The following RALGDS variants were observed in gnomAD, a reference collection of about 807,000 sequenced individuals.
RALGDS encodes the protein ral guanine nucleotide exchange factor.
RALGDS carries 44 observed loss-of-function variants against 99.8 expected under a neutral mutation model. That is an observed-to-expected ratio of 0.44 (90% CI 0.35 to 0.57). RALGDS has a LOEUF of 0.57. RALGDS is among the 20% of genes least tolerant of loss of function. The pLI, the probability that RALGDS is intolerant of heterozygous loss-of-function variation, is 0.01. For missense variants in RALGDS, 1,022 were observed against 1,203.1 expected, an observed-to-expected ratio of 0.85 and a Z score of 2.23; for synonymous variants, 529 against 505.0, an observed-to-expected ratio of 1.05 and a Z score of -0.64.
upstream of RALGDS, among the ~76,000 whole-genome samples, chr9:133,121,905 T>C (rs1831962824): frequency 6.7e-6 from 1 of 150,170 alleles, no homozygotes; most frequent in Non-Finnish European, 1.5e-5. Context: ...GTGTGTGCAG[T>C]GGGGGAAAGG....
chr9:133,112,798 C>T (rs780407393), intron 1 of RALGDS, among the ~76,000 whole-genome samples: 42 of 152,356 alleles, frequency 2.8e-4, no homozygotes, highest in Non-Finnish European at 5.1e-4. Flanking sequence ...ATCCCAGCCA[C>T]TTCCTTCCCC....
chr9:133,134,749 C>A (rs576997710), upstream of RALGDS, among the ~76,000 whole-genome samples: 4 of 152,302 alleles, frequency 2.6e-5, no homozygotes, highest in African/African-American at 7.2e-5. Context: ...TCCAACCTGG[C>A]GCCTAAACCA....
At chr9:133,123,619 C>T (rs1242591991), upstream of RALGDS, among the ~76,000 whole-genome samples, 7 of 152,244 alleles carry the variant, frequency 4.6e-5, no homozygotes, top group South Asian at 1.4e-3. Context: ...GTTCCCCTAC[C>T]TTTGGGACTC....
chr9:133,106,950 A>G (rs1380054224), intron 7 of RALGDS, 135 bp downstream of exon 7: 2 of 1,027,852 alleles, frequency 1.9e-6, no homozygotes, highest in African/African-American at 1.6e-5. Context: ...GCATCCAGGC[A>G]GTGGGCTGGG....
In RALGDS at chr9:133,110,505, G is replaced by T; in HGVS notation, c.295-16C>A. The T allele has an allele frequency of 6.3e-7, 1 of 1,598,790 alleles. No individual in the cohort carries two copies. ...CATTCTCATACTGGGGTGGGACAGA[G>T]GAGGGACAGACAGTCAGTGGCAGCA... On this transcript the variant is annotated splice_polypyrimidine_tract_variant and intron_variant, in intron 2 of 17. Transcript: ENST00000372050.
chr9:133,125,471 C>T (rs1399009365), upstream of RALGDS, among the ~76,000 whole-genome samples: 3 of 152,192 alleles, frequency 2.0e-5, no homozygotes, highest in East Asian at 1.9e-4. Flanking sequence ...CAGTGGCTCA[C>T]GCCTGTAATT....
Position 133,112,144 on chromosome 9 carries a change from C to A in RALGDS, c.192G>T (p.Thr64=). 6.4e-7 allele frequency: 1 copy of A among 1,562,052 alleles called. No homozygotes were observed. The highest frequency in any genetic ancestry group is 8.7e-7 in the Non-Finnish European group (1 of 1,152,396). ...DPDLPRPESS[T]QEIGEELING... ...TGATCAGCTCCTCACCGATCTCCTG[C>A]GTGGAGCTCTGTGAAGACAACGCCC... The change falls in exon 2 of 18, where the codon ACG becomes ACT. Residue 64 remains threonine, a synonymous_variant. Transcript: ENST00000372050.
chr9:133,142,233 G>A (rs1832536754), intron 1 of RALGDS, among the ~76,000 whole-genome samples: 1 of 152,134 alleles, frequency 6.6e-6, no homozygotes, highest in Non-Finnish European at 1.5e-5. Context: ...AGGGTGGAGG[G>A]CCATGAGAAG....
intron 8 of RALGDS, among the ~76,000 whole-genome samples, chr9:133,106,371 G>T (rs374852096): frequency 6.6e-6 from 1 of 152,226 alleles, no homozygotes; most frequent in Admixed American, 6.5e-5. Context: ...TGGGATTACA[G>T]GCGTTAGCCA....
At chr9:133,103,153 G>A (rs1830842473) in intron 12 of RALGDS, 77 bp downstream of exon 12, 4 of 1,559,054 alleles carry the variant, frequency 2.6e-6, no homozygotes, top group Middle Eastern at 1.7e-4. Context: ...TAAGGAGAGG[G>A]TAGGAGTTGA....
At chr9:133,128,821 G>A (rs947542310) in intron 1 of RALGDS, among the ~76,000 whole-genome samples, 5 of 152,194 alleles carry the variant, frequency 3.3e-5, no homozygotes, top group African/African-American at 1.2e-4. Context: ...GTGCACAGAA[G>A]TCCTTGGTAA....
At chr9:133,127,358 G>A (rs1390012936) in intron 1 of RALGDS, among the ~76,000 whole-genome samples, 1 of 152,268 alleles carries the variant, frequency 6.6e-6, no homozygotes, top group Non-Finnish European at 1.5e-5. Context: ...GCCAAGGCCG[G>A]GAGGAATGGC....
At chr9:133,112,922 G>A (rs547919883) in intron 1 of RALGDS, among the ~76,000 whole-genome samples, 57 of 152,350 alleles carry the variant, frequency 3.7e-4, no homozygotes, top group African/African-American at 1.1e-3. Context: ...CCAGGCAGAT[G>A]CTGGGGTTCC....
At position 133,102,067 on chromosome 9, in the gene RALGDS, A is replaced by G. The variant is rs1458592814; in HGVS notation, c.2082T>C (p.Cys694=). The change falls in exon 15 of 18, where the codon TGT becomes TGC. Residue 694 remains cysteine, a synonymous_variant. Coordinates refer to ENST00000372050, the MANE Select transcript of RALGDS (RefSeq NM_006266.4). ...SHSKSCDQLR[C]GPYLSSGDIA... ...TGTCCCCGCTGCTGAGGTAGGGGCC[A>G]CACCTGAGCTGGTCACAGGACTTGG... 1 of 1,568,544 alleles carries G rather than the reference A, an allele frequency of 6.4e-7. No homozygotes were observed. The highest frequency in any genetic ancestry group is 8.6e-7 in the Non-Finnish European group (1 of 1,156,290).
intron 1 of RALGDS, among the ~76,000 whole-genome samples, chr9:133,130,647 C>T (rs1311096254): frequency 6.6e-6 from 1 of 152,158 alleles, no homozygotes; most frequent in Non-Finnish European, 1.5e-5. Context: ...ACAACCACCA[C>T]CACCACCACA....
upstream of RALGDS, chr9:133,121,257 G>A (rs1831930584): frequency 2.0e-6 from 2 of 984,226 alleles, no homozygotes; most frequent in African/African-American, 1.8e-5. Flanking sequence ...CCGCGGCCCG[G>A]CCCTGCTGAT....
intron 1 of RALGDS, 33 bp from the exon 2 acceptor site, chr9:133,112,185 G>A (rs958102233): frequency 1.4e-6 from 2 of 1,455,352 alleles, no homozygotes; most frequent in African/African-American, 2.8e-5. Flanking sequence ...CCGGGCGCGG[G>A]GACGTCAAGG....
intron 11 of RALGDS, 77 bp from the exon 12 acceptor site, chr9:133,103,339 TCAAG>T: frequency 1.3e-6 from 2 of 1,577,018 alleles, no homozygotes; most frequent in Non-Finnish European, 1.7e-6. Context: ...TGCTGCACTA[TCAAG>T]AGTGCCCACC....
intron 1 of RALGDS, among the ~76,000 whole-genome samples, chr9:133,119,214 C>T (rs1266207530): frequency 6.6e-6 from 1 of 152,154 alleles, no homozygotes; most frequent in Non-Finnish European, 1.5e-5. Flanking sequence ...AGGACAGGGA[C>T]CAAGTGCGCA....
Sources: gnomAD v4.1 joint callset for allele counts (sites outside exome capture counted in the v4.1 genomes callset) on GRCh38, gnomAD v4.1.1 for gene constraint, MANE v1.5 for transcripts, NCBI Gene and HGNC (gene_info 2026-07-23, HGNC 2026-07-21) for gene names.